Variants in EPHB4 observed in about 807,000 individuals in gnomAD.
EPHB4 encodes the protein EPH receptor B4.
EPHB4 carries 50 observed loss-of-function variants against 110.6 expected under a neutral mutation model. The observed-to-expected ratio is 0.45, with a 90% CI of 0.36 to 0.57. The LOEUF (loss-of-function observed/expected upper bound fraction) is 0.57. Ranked by LOEUF, EPHB4 falls within the 20% of genes least tolerant of loss-of-function variation. The pLI is 0.00. For synonymous variants in EPHB4, 592 were observed against 578.4 expected (o/e 1.02, Z -0.34); for missense variants, 1,128 against 1,382.1 (o/e 0.82, Z 2.91).
chr7:100,813,749 C>A, intron 9 of EPHB4, 33 bp from the exon 10 acceptor site: 1 of 1,613,898 alleles, frequency 6.2e-7, no homozygotes, highest in Non-Finnish European at 8.5e-7. Context: ...AAAAGGTAAA[C>A]TGAGTCACAC....
At chr7:100,805,917 T>C in intron 14 of EPHB4, 1 of 431,440 alleles carries the variant, frequency 2.3e-6, no homozygotes, top group Admixed American at 4.0e-5. Flanking sequence ...AACCCTGCCC[T>C]CCATCTCTGC....
Position 100,809,072 on chromosome 7 carries a change from G to C in EPHB4, c.2119-1492C>G, listed in dbSNP as rs190367063. On this transcript the variant is annotated intron_variant, in intron 12 of 16. Transcript: ENST00000358173. ...CTGCTGCAGGCCTCTCCCAGCTCCT[G>C]CTCTTGCTCCCTAGCACCCAGCAAA... 1.1e-3 allele frequency among the ~76,000 whole-genome samples: 160 copies of C among 152,194 alleles called. 2 individuals are homozygous for C. The highest frequency in any genetic ancestry group is 6.8e-3 in the Middle Eastern group (2 of 294).
intron 3 of EPHB4, 49 bp downstream of exon 3, chr7:100,823,595 G>T: frequency 6.3e-7 from 1 of 1,589,340 alleles, no homozygotes. Flanking sequence ...GGGCCTGCTG[G>T]CTGGAATCCC....
At chr7:100,807,090 G>A (rs1472719106) in intron 13 of EPHB4, among the ~76,000 whole-genome samples, 2 of 152,122 alleles carry the variant, frequency 1.3e-5, no homozygotes, top group Non-Finnish European at 2.9e-5. Context: ...AACCTCCCAA[G>A]TAGCTGGGAC....
Position 100,819,679 on chromosome 7 carries a change from A to G in EPHB4, c.1175T>C (p.Val392Ala). The change falls in exon 6 of 17, where the codon GTG becomes GCG. Residue 392 changes from valine (V) to alanine (A), a missense_variant. Val to Ala is a moderately conservative substitution (Grantham distance 64). Coordinates refer to ENST00000358173, the MANE Select transcript of EPHB4 (RefSeq NM_004444.5). ...GPRDLVEPWV[V>A]VRGLRPDFTY... ...GAAGTCAGGACGTAGCCCTCGAACC[A>G]CCACCCAGGGCTCCACCAGGTCCCG... 1.2e-6 allele frequency: 2 copies of G among 1,613,732 alleles called. No homozygotes were observed. The highest frequency in any genetic ancestry group is 2.2e-5 in the South Asian group (2 of 91,078).
In EPHB4 at chr7:100,803,430, CGGTGTCCCTGGGGTGGG is replaced by C; in HGVS notation, c.*14_*30del. 6.6e-7 allele frequency: 1 copy of C among 1,504,928 alleles called. No individual in the cohort carries two copies. Among genetic ancestry groups the C allele is most frequent in the Non-Finnish European group, 9.0e-7 (1 of 1,113,284 alleles). 93.2% of individuals were successfully genotyped at this position (1,504,928 alleles called of 1,614,324 possible). ...CACTCTGCCCCGGAAAATGGGGAGG[CGGTGTCCCTGGGGTGGG>C]GAGTTCCTGCAGGTCAGTACTGCGG... On this transcript the variant is annotated 3_prime_UTR_variant, in exon 17 of 17. Transcript: ENST00000358173.
At chr7:100,806,684 C>T (rs561241597) in intron 13 of EPHB4, 115 bp from the exon 14 acceptor site, 135 of 1,252,572 alleles carry the variant, frequency 1.1e-4, no homozygotes, top group Middle Eastern at 4.9e-4. Context: ...GCTCAGGCCC[C>T]AAGCCTCCTA....
chr7:100,803,317 T>A lies in EPHB4; in HGVS notation c.*144A>T. ...CTCCTATTATGGCAGAACCCCCAAA[T>A]CCTGTCTCTCCAAATTGCCAACTCC... On this transcript the variant is annotated 3_prime_UTR_variant, in exon 17 of 17. Transcript: ENST00000358173. 1 of 1,048,814 alleles carries A rather than the reference T, an allele frequency of 9.5e-7. No individual in the cohort carries two copies. Among genetic ancestry groups the A allele is most frequent in the South Asian group, 2.8e-5 (1 of 36,192 alleles). 65.0% of individuals were successfully genotyped at this position (1,048,814 alleles called of 1,614,324 possible).
intron 8 of EPHB4, among the ~76,000 whole-genome samples, chr7:100,815,532 T>C (rs575526880): frequency 2.8e-4 from 42 of 152,196 alleles, no homozygotes; most frequent in African/African-American, 9.2e-4. Context: ...AGGGTCTCTT[T>C]TGAGGGTGCT....
chr7:100,812,811 T>G lies in EPHB4; in HGVS notation c.2054A>C (p.Asn685Thr). The part of the protein sequence containing the change: ...NIIRLEGVVT[N>T]SMPVMILTEF... The stretch of plus-strand genomic sequence containing the variant: ...TGTGAGAATCATGACGGGCATGCTG[T>G]TGGTGACCACGCCCTCCAGGCGGAT... The change falls in exon 12 of 17, where the codon AAC becomes ACC. Residue 685 changes from asparagine to threonine, a missense_variant. Asn to Thr is a moderately conservative substitution (Grantham distance 65, BLOSUM62 0). Around this residue, in one of 3 missense-constraint regions of EPHB4, gnomAD observed 191 missense variants for 313.0 expected, o/e 0.61. Transcript: ENST00000358173. 6.2e-7 allele frequency: 1 copy of G among 1,614,204 alleles called. No individual in the cohort carries two copies. Among genetic ancestry groups the G allele is most frequent in the Non-Finnish European group, 8.5e-7 (1 of 1,180,038 alleles).
intron 12 of EPHB4, among the ~76,000 whole-genome samples, chr7:100,810,361 A>T (rs951462094): frequency 1.3e-5 from 2 of 152,198 alleles, no homozygotes; most frequent in African/African-American, 4.8e-5. Context: ...AAATCCAGAA[A>T]TCAAGACATT....
At position 100,826,970 on chromosome 7, in the gene EPHB4, G is replaced by A. The variant is rs766393192; in HGVS notation, c.52+9C>T. The A allele has an allele frequency of 2.6e-6, 4 of 1,551,160 alleles. No individual in the cohort carries two copies. Among genetic ancestry groups the A allele is most frequent in the Admixed American group, 1.9e-5 (1 of 53,374 alleles). ...GACGGGGTGCGCCCCCCCCCGCAAG[G>A]AAACTCACCTTCCAAAGCTGCGGCC... On this transcript the variant is annotated intron_variant, in intron 1 of 16. Transcript: ENST00000358173.
intron 10 of EPHB4, 184 bp downstream of exon 10, chr7:100,813,468 A>C: frequency 1.4e-6 from 1 of 720,446 alleles, no homozygotes; most frequent in Non-Finnish European, 2.3e-6. Flanking sequence ...GGTGCCCACC[A>C]CCATGCCTGG....
Position 100,827,039 on chromosome 7 carries a change from C to G in EPHB4, c.-9G>C. On this transcript the variant is annotated 5_prime_UTR_variant, in exon 1 of 17. Transcript: ENST00000358173. ...AGCACCCGGAGCTCCATGGCGCCGC[C>G]TCACTCGGGTAGGATCCGAACTGAG... 6.3e-7 allele frequency: 1 copy of G among 1,579,376 alleles called. No homozygotes were observed. The highest frequency in any genetic ancestry group is 1.2e-5 in the South Asian group (1 of 86,116).
At chr7:100,821,688 C>T (rs996663296) in intron 4 of EPHB4, among the ~76,000 whole-genome samples, 2 of 151,104 alleles carry the variant, frequency 1.3e-5, no homozygotes, top group African/African-American at 2.4e-5. Flanking sequence ...AGGCTGATCT[C>T]GAACTCCTGG....
intron 1 of EPHB4, among the ~76,000 whole-genome samples, chr7:100,826,330 G>T (rs970916480): frequency 1.3e-5 from 2 of 152,160 alleles, no homozygotes; most frequent in Non-Finnish European, 2.9e-5. Flanking sequence ...GGTCTCAAGG[G>T]AAGCCCGGGA....
In EPHB4 at chr7:100,822,590, C is replaced by A; in HGVS notation, c.489G>T (p.Thr163=). 1.2e-6 allele frequency: 2 copies of A among 1,611,072 alleles called. No homozygotes were observed. Among genetic ancestry groups the A allele is most frequent in the South Asian group, 1.1e-5 (1 of 90,886 alleles). Residue 163 remains threonine, a synonymous_variant, in exon 4 of 17, where the codon ACG becomes ACT. Coordinates refer to ENST00000358173, the MANE Select transcript of EPHB4 (RefSeq NM_004444.5). This position sits in a 1 kb window ranked among gnomAD's most constrained non-coding sequence, Gnocchi z 4.7. The part of the protein sequence containing the change: ...AEATGKVNVK[T]LRLGPLSKAG... ...CCTTGCTGAGCGGTCCCAGACGCAG[C>A]GTCTTGACATTCACCTTCCCGGTGG...
At chr7:100,817,677 C>G (rs927441554) in intron 7 of EPHB4, among the ~76,000 whole-genome samples, 1 of 150,586 alleles carries the variant, frequency 6.6e-6, no homozygotes, top group Non-Finnish European at 1.5e-5. Flanking sequence ...TACAGGGGCC[C>G]GCCAACACAC....
At chr7:100,816,089 C>T (rs1813060174) in intron 8 of EPHB4, among the ~76,000 whole-genome samples, 1 of 151,068 alleles carries the variant, frequency 6.6e-6, no homozygotes, top group African/African-American at 2.4e-5. Context: ...CAGATCGAGA[C>T]CAGGAGGTGG....
Sources: allele counts gnomAD v4.1 joint callset (sites outside exome capture counted in the v4.1 genomes callset), GRCh38; gene constraint gnomAD v4.1.1; regional missense constraint gnomAD v4.1.1; non-coding constraint Gnocchi (gnomAD v3.1); transcripts MANE v1.5; gene names NCBI Gene and HGNC (gene_info 2026-07-23, HGNC 2026-07-21).